CREB3L1: variants seen among roughly 807,000 people sequenced by gnomAD.
CREB3L1 encodes cAMP responsive element binding protein 3 like 1.
A neutral mutation model predicts 54.5 loss-of-function variants in CREB3L1; 33 were observed. The ratio of observed to expected loss-of-function variants is 0.61; its 90% CI spans 0.46 to 0.81. The LOEUF is 0.81. Ranked by LOEUF, CREB3L1 falls within the 30% of genes least tolerant of loss-of-function variation. The pLI is 0.00. For missense variants in CREB3L1, 656 were observed against 673.3 expected, an observed-to-expected ratio of 0.97 and a Z score of 0.29; for synonymous variants, 284 against 286.4, an observed-to-expected ratio of 0.99 and a Z score of 0.08.
chr11:46,316,755 G>C (rs1939572953), intron 9 of CREB3L1, among the ~76,000 whole-genome samples: 1 of 152,176 alleles, frequency 6.6e-6, no homozygotes, highest in African/African-American at 2.4e-5. Context: ...ACAGATGGCA[G>C]TGAAAAGGCT....
At position 46,311,159 on chromosome 11, in the gene CREB3L1, C is replaced by A; in HGVS notation, c.723C>A (p.Ile241=). 1.3e-6 allele frequency: 2 copies of A among 1,599,424 alleles called. No individual in the cohort carries two copies. Among genetic ancestry groups the A allele is most frequent in the Non-Finnish European group, 1.7e-6 (2 of 1,176,814 alleles). Residue 241 remains isoleucine (I), a synonymous_variant, in exon 5 of 12, where the codon ATC becomes ATA. Coordinates refer to ENST00000621158, the MANE Select transcript of CREB3L1 (RefSeq NM_052854.4). The part of the protein sequence containing the change: ...VRPMARSSTA[I]STSPLLTAPH... ...CCATGGCGCGCTCCTCCACGGCCAT[C>A]TCCACCTCCCCACTCCTCACTGCCC...
At chr11:46,293,464 A>G (rs1438445527) in intron 1 of CREB3L1, among the ~76,000 whole-genome samples, 2 of 152,224 alleles carry the variant, frequency 1.3e-5, no homozygotes, top group Non-Finnish European at 1.5e-5. Context: ...CAAGGTTACC[A>G]GTGTCAGGAG....
chr11:46,313,920 G>A (rs765740141), intron 8 of CREB3L1, among the ~76,000 whole-genome samples: 6 of 152,076 alleles, frequency 3.9e-5, no homozygotes, highest in Non-Finnish European at 5.9e-5. Context: ...CTGTTTCTTC[G>A]TCTAAATGGG....
At position 46,312,836 on chromosome 11, in the gene CREB3L1, G is replaced by T; in HGVS notation, c.963-15G>T. On this transcript the variant is annotated splice_polypyrimidine_tract_variant and intron_variant, in intron 7 of 11. Coordinates refer to ENST00000621158, the MANE Select transcript of CREB3L1 (RefSeq NM_052854.4). ...GGGGGCTGCCCCTGAGCCTGTGCCTGCTTGGCCCCTACAGGGTGGAGACAT... is the reference window on the plus strand; with the variant it reads ...GGGGGCTGCCCCTGAGCCTGTGCCTTCTTGGCCCCTACAGGGTGGAGACAT... The T allele has an allele frequency of 6.3e-7, 1 of 1,583,960 alleles. No individual in the cohort carries two copies. The highest frequency in any genetic ancestry group is 8.6e-7 in the Non-Finnish European group (1 of 1,165,090).
intron 1 of CREB3L1, among the ~76,000 whole-genome samples, chr11:46,288,706 G>A (rs1939091394): frequency 6.6e-6 from 1 of 152,172 alleles, no homozygotes; most frequent in Non-Finnish European, 1.5e-5. Flanking sequence ...TGTGTGGAGT[G>A]GGGGCCCATA....
intron 3 of CREB3L1, among the ~76,000 whole-genome samples, chr11:46,309,739 G>C (rs1368217997): frequency 6.6e-6 from 1 of 152,222 alleles, no homozygotes; most frequent in East Asian, 1.9e-4. Context: ...ACACTCAGAG[G>C]CTCACCTTCT....
intron 11 of CREB3L1, 42 bp from the exon 12 acceptor site, chr11:46,320,668 T>C (rs758597938): frequency 1.3e-6 from 2 of 1,597,214 alleles, no homozygotes; most frequent in Non-Finnish European, 1.7e-6. Context: ...GGTAAGAGGG[T>C]TCCTGCTGGA....
At chr11:46,298,904 A>C (rs1272870246) in intron 1 of CREB3L1, among the ~76,000 whole-genome samples, 1 of 152,196 alleles carries the variant, frequency 6.6e-6, no homozygotes, top group East Asian at 1.9e-4. Context: ...CCTCATGACA[A>C]TCTTGGAAGG....
At chr11:46,308,099 A>C in intron 3 of CREB3L1, 99 bp downstream of exon 3, 1 of 1,133,106 alleles carries the variant, frequency 8.8e-7, no homozygotes, top group Non-Finnish European at 1.2e-6. Flanking sequence ...GGCTCTGTGA[A>C]CAGGAAGACA....
In CREB3L1 at chr11:46,311,202, G is replaced by A. The variant is rs1265868395; in HGVS notation, c.753+13G>A. On this transcript the variant is annotated intron_variant, in intron 5 of 11. Transcript: ENST00000621158. ...CACTGCCCCTCACGTAAGGAGCTGG[G>A]GGTGGGCTGATCCCAGAAATGAGGA... The A allele has an allele frequency of 1.9e-6, 3 of 1,552,586 alleles. No individual in the cohort carries two copies. Among genetic ancestry groups the A allele is most frequent in the Non-Finnish European group, 2.6e-6 (3 of 1,154,478 alleles).
In CREB3L1 at chr11:46,320,863, A is replaced by G; in HGVS notation, c.*117A>G. 8.9e-7 allele frequency: 1 copy of G among 1,118,378 alleles called. No homozygotes were observed. Among genetic ancestry groups the G allele is most frequent in the Non-Finnish European group, 1.3e-6 (1 of 752,028 alleles). 69.3% of individuals were successfully genotyped at this position (1,118,378 alleles called of 1,614,324 possible). On this transcript the variant is annotated 3_prime_UTR_variant, in exon 12 of 12. Coordinates refer to ENST00000621158, the MANE Select transcript of CREB3L1 (RefSeq NM_052854.4). ...TCCTGGAGCTTCCCATTCCAGGAGA[A>G]AAGGCTCCACTTCCCAGCCCTTCCT...
intron 1 of CREB3L1, among the ~76,000 whole-genome samples, chr11:46,297,308 C>T (rs1179468828): frequency 6.6e-6 from 1 of 152,226 alleles, no homozygotes; most frequent in Non-Finnish European, 1.5e-5. Flanking sequence ...CAGCTCTGAC[C>T]TCCTGGTACT....
Position 46,277,986 on chromosome 11 carries a change from C to CCGGGG in CREB3L1, c.-126_-125insCGGGG. 6.1e-5 allele frequency: 26 copies of CCGGGG among 423,380 alleles called. No individual in the cohort carries two copies. Among genetic ancestry groups the CCGGGG allele is most frequent in the East Asian group, 1.1e-4 (3 of 26,088 alleles). 26.2% of individuals were successfully genotyped at this position (423,380 alleles called of 1,614,324 possible). ...GCGCCGCCTCCGTCCGCCCCTCCCC[C>CCGGGG]GGGGCTTCGCCCCGGACCTGCCCCC... On this transcript the variant is annotated 5_prime_UTR_variant, in exon 1 of 12. Coordinates refer to ENST00000621158, the MANE Select transcript of CREB3L1 (RefSeq NM_052854.4).
At chr11:46,290,743 A>AG (rs1407429365) in intron 1 of CREB3L1, among the ~76,000 whole-genome samples, 7 of 137,936 alleles carry the variant, frequency 5.1e-5, no homozygotes, top group African/African-American at 1.9e-4. Context: ...GGAGGAGCCA[A>AG]GGGGGTGGGC....
chr11:46,320,532 GGGTGTGTGGCC>G lies in CREB3L1; in HGVS notation c.1523+5_1523+15del. The G allele has an allele frequency of 1.4e-6, 2 of 1,415,012 alleles. No individual in the cohort carries two copies. The highest frequency in any genetic ancestry group is 1.8e-6 in the Non-Finnish European group (2 of 1,086,598). The allele number at this position is 1,415,012 out of a possible 1,614,324, so 87.7% of individuals were successfully genotyped here. ...CCAAGGAGTGGTTCCACGACAGGTG[GGGTGTGTGGCC>G]CCTTTCCCTCCTGAGGTCTCAGGCT... On this transcript the variant is annotated splice_donor_5th_base_variant and intron_variant, in intron 11 of 11. Coordinates refer to ENST00000621158, the MANE Select transcript of CREB3L1 (RefSeq NM_052854.4).
intron 9 of CREB3L1, among the ~76,000 whole-genome samples, 195 bp from the exon 10 acceptor site, chr11:46,317,166 C>G (rs1939579175): frequency 2.0e-5 from 3 of 152,212 alleles, no homozygotes; most frequent in African/African-American, 7.2e-5. Context: ...GCTGGGATGG[C>G]CTGGGCTGTC....
In CREB3L1 at chr11:46,278,764, C is replaced by A. The variant is rs144628710; in HGVS notation, c.102+551C>A. On this transcript the variant is annotated intron_variant, in intron 1 of 11. Transcript: ENST00000621158. The surrounding 1 kb of genome is among the most constrained non-coding windows in gnomAD (Gnocchi z 4.2). Reference sequence around the variant, plus strand: ...CCAGGGAGGGACCTGAGGCTGGGGGCTGGGAAGAGGCGGTCAGGGCAACAT... The same window carrying A: ...CCAGGGAGGGACCTGAGGCTGGGGGATGGGAAGAGGCGGTCAGGGCAACAT... 2.0e-5 allele frequency among the ~76,000 whole-genome samples: 3 copies of A among 152,198 alleles called. No individual in the cohort carries two copies. Among genetic ancestry groups the A allele is most frequent in the Non-Finnish European group, 2.9e-5 (2 of 68,024 alleles).
intron 9 of CREB3L1, among the ~76,000 whole-genome samples, 184 bp from the exon 10 acceptor site, chr11:46,317,177 C>T (rs781251972): frequency 2.6e-5 from 4 of 152,210 alleles, no homozygotes; most frequent in Non-Finnish European, 5.9e-5. Context: ...CTGGGCTGTC[C>T]CTGCCTTCCC....
chr11:46,285,736 A>G (rs962841610), intron 1 of CREB3L1, among the ~76,000 whole-genome samples: 1 of 151,872 alleles, frequency 6.6e-6, no homozygotes, highest in African/African-American at 2.4e-5. Flanking sequence ...AAGCCACTTC[A>G]CCCATCACAG....
Sources: allele counts gnomAD v4.1 joint callset (sites outside exome capture counted in the v4.1 genomes callset), GRCh38; gene constraint gnomAD v4.1.1; non-coding constraint Gnocchi (gnomAD v3.1); transcripts MANE v1.5; gene names NCBI Gene and HGNC (gene_info 2026-07-23, HGNC 2026-07-21).